The following OGDHL variants were observed in gnomAD, a reference collection of about 807,000 sequenced individuals.
OGDHL encodes the protein oxoglutarate dehydrogenase L.
In OGDHL, 79 loss-of-function variants were observed where a neutral mutation model predicts 109.6. That is an observed-to-expected ratio of 0.72 (90% CI 0.60 to 0.87). The LOEUF is 0.87. Among genes scored for constraint, OGDHL ranks in the 40% least tolerant of loss-of-function variants. The pLI is 0.00. For synonymous variants in OGDHL, 528 were observed against 537.2 expected, an observed-to-expected ratio of 0.98 and a Z score of 0.24; for missense variants, 1,275 against 1,362.2, an observed-to-expected ratio of 0.94 and a Z score of 1.01.
chr10:49,749,686 C>A, intron 8 of OGDHL, 40 bp downstream of exon 8: 1 of 1,530,336 alleles, frequency 6.5e-7, no homozygotes, highest in South Asian at 1.2e-5. Flanking sequence ...CCCAAACACC[C>A]AGCTCTCCAA....
At chr10:49,746,947 T>G in intron 9 of OGDHL, 69 bp from the exon 10 acceptor site, 4 of 1,610,020 alleles carry the variant, frequency 2.5e-6, no homozygotes, top group Middle Eastern at 1.7e-4. Context: ...GCACCTGTAC[T>G]GTGGAGACCC....
In OGDHL at chr10:49,744,742, G is replaced by C; in HGVS notation, c.1640C>G (p.Ala547Gly). Residue 547 changes from alanine to glycine, a missense_variant, in exon 13 of 23, where the codon GCC becomes GGC. Coordinates refer to ENST00000374103, the MANE Select transcript of OGDHL (RefSeq NM_018245.3). Reference protein sequence around the residue: ...VTLQEFEEEIAKYDRICEEAY... With the variant: ...VTLQEFEEEIGKYDRICEEAY... ...CTCCTCACAGATCCGGTCGTATTTG[G>C]CAATTTCTTCCTGGAATCAGGATGA... The C allele has an allele frequency of 1.9e-6, 3 of 1,614,070 alleles. No homozygotes were observed. The highest frequency in any genetic ancestry group is 2.5e-6 in the Non-Finnish European group (3 of 1,179,938).
chr10:49,751,048 C>T (rs993477716), intron 6 of OGDHL, 63 bp from the exon 7 acceptor site: 10 of 1,457,960 alleles, frequency 6.9e-6, no homozygotes, highest in Middle Eastern at 1.8e-4. Context: ...GACTGGGGCT[C>T]ACAGGGGCTG....
chr10:49,759,772 G>A (rs981227263), intron 1 of OGDHL, among the ~76,000 whole-genome samples: 3 of 152,140 alleles, frequency 2.0e-5, no homozygotes, highest in East Asian at 3.9e-4. Flanking sequence ...TGCCCAGACC[G>A]CCCAGCTTGT....
Position 49,744,135 on chromosome 10 carries a change from G to A in OGDHL, c.1733-13C>T. ...ACGTTGAAGAAGCCTGAGAGGGAGA[G>A]AGGCTCTGTCCACACTGTGTCAGTG... is the stretch of plus-strand genomic sequence containing the variant. On this transcript the variant is annotated splice_polypyrimidine_tract_variant and intron_variant, in intron 13 of 22. Coordinates refer to ENST00000374103, the MANE Select transcript of OGDHL (RefSeq NM_018245.3). 6.2e-7 allele frequency: 1 copy of A among 1,613,016 alleles called. No individual in the cohort carries two copies. Among genetic ancestry groups the A allele is most frequent in the East Asian group, 2.2e-5 (1 of 44,878 alleles).
chr10:49,744,885 C>G, intron 12 of OGDHL, 133 bp from the exon 13 acceptor site: 1 of 719,056 alleles, frequency 1.4e-6, no homozygotes, highest in Non-Finnish European at 2.3e-6. Flanking sequence ...CCTATAGGGA[C>G]CTCATGGCTA....
Position 49,746,738 on chromosome 10 carries a change from C to G in OGDHL, c.1296+12G>C, listed in dbSNP as rs749608436. 6.2e-7 allele frequency: 1 copy of G among 1,613,870 alleles called. No homozygotes were observed. Among genetic ancestry groups the G allele is most frequent in the South Asian group, 1.1e-5 (1 of 91,040 alleles). Reference sequence around the variant, plus strand: ...GACGCTGTGAGGCCCAGCGTGGAGCCTACATGCTCACCTGGTTGTTGACGA... The same window carrying G: ...GACGCTGTGAGGCCCAGCGTGGAGCGTACATGCTCACCTGGTTGTTGACGA... On this transcript the variant is annotated intron_variant, in intron 10 of 22. Transcript: ENST00000374103.
In OGDHL at chr10:49,745,478, C is replaced by G; in HGVS notation, c.1495G>C (p.Gly499Arg). 1 of 1,614,010 alleles carries G rather than the reference C, an allele frequency of 6.2e-7. No homozygotes were observed. The highest frequency in any genetic ancestry group is 1.3e-5 in the African/African-American group (1 of 75,050). ...ATGGGCTCGTCCATCTCATTGTGGC[C>G]ACGCCGGCGGTAACAGACCTGCAGG... Reference protein sequence around the residue: ...VVDLVCYRRRGHNEMDEPMFT... With the variant: ...VVDLVCYRRRRHNEMDEPMFT... Residue 499 changes from glycine (G) to arginine (R), a missense_variant, in exon 12 of 23, where the codon GGC (glycine) becomes CGC (arginine). Coordinates refer to ENST00000374103, the MANE Select transcript of OGDHL (RefSeq NM_018245.3).
chr10:49,754,911 C>T (rs1843534104), intron 3 of OGDHL, among the ~76,000 whole-genome samples: 5 of 152,206 alleles, frequency 3.3e-5, no homozygotes. Flanking sequence ...CCTATTGCAA[C>T]CTGTGGATTT....
intron 14 of OGDHL, chr10:49,743,522 C>T (rs1841953083): frequency 5.9e-6 from 1 of 168,370 alleles, no homozygotes; most frequent in African/African-American, 2.4e-5. Flanking sequence ...TGGCCCCAGC[C>T]AAGGGATGCA....
intron 8 of OGDHL, among the ~76,000 whole-genome samples, chr10:49,749,350 T>C (rs911709383): frequency 2.6e-5 from 4 of 152,186 alleles, no homozygotes; most frequent in African/African-American, 7.2e-5. Context: ...CCCAAGGCTC[T>C]GCTGGGCAAA....
intron 20 of OGDHL, 26 bp downstream of exon 20, chr10:49,737,760 C>A: frequency 1.2e-6 from 2 of 1,613,520 alleles, no homozygotes; most frequent in East Asian, 4.5e-5. Flanking sequence ...TGTGGGCTAC[C>A]CCACACACCC....
intron 14 of OGDHL, 93 bp from the exon 15 acceptor site, chr10:49,743,071 G>T: frequency 6.9e-7 from 1 of 1,458,640 alleles, no homozygotes. Flanking sequence ...ACAAAGCAGG[G>T]CAGCCATCTG....
rs971585041 is a variant in OGDHL at position 49,744,241 on chromosome 10, C to T, written c.1733-119G>A. 8.9e-6 allele frequency: 12 copies of T among 1,344,266 alleles called. No individual in the cohort carries two copies. In the African/African-American group the frequency reaches 1.7e-4, roughly 19 times the overall value. 83.3% of individuals were successfully genotyped at this position (1,344,266 alleles called of 1,614,324 possible). On this transcript the variant is annotated intron_variant, in intron 13 of 22. Coordinates refer to ENST00000374103, the MANE Select transcript of OGDHL (RefSeq NM_018245.3). ...TTCCCAAACTCCACCGGCACTCGGA[C>T]TCACCCTGAGCCCACCCTTGGGACC...
chr10:49,759,200 G>A (rs561597634), intron 1 of OGDHL, among the ~76,000 whole-genome samples: 23 of 152,240 alleles, frequency 1.5e-4, no homozygotes, highest in Middle Eastern at 3.4e-3. Context: ...TGCAATCCTG[G>A]GCCAGAGTGC....
chr10:49,755,801 C>A (rs1233671122), intron 3 of OGDHL, among the ~76,000 whole-genome samples: 1 of 152,218 alleles, frequency 6.6e-6, no homozygotes, highest in Non-Finnish European at 1.5e-5. Flanking sequence ...TCGGGCAGCA[C>A]CCTGAACGTT....
At chr10:49,753,194 T>C (rs1354153822) in intron 3 of OGDHL, among the ~76,000 whole-genome samples, 1 of 152,170 alleles carries the variant, frequency 6.6e-6, no homozygotes, top group Admixed American at 6.5e-5. Context: ...TAGCAAAGTA[T>C]GTATGGTGAA....
At position 49,751,914 on chromosome 10, in the gene OGDHL, A is replaced by G. The variant is rs781501954; in HGVS notation, c.662T>C (p.Ile221Thr). 13 of 1,614,032 alleles carry G rather than the reference A, an allele frequency of 8.1e-6. No individual in the cohort carries two copies. In the African/African-American group the frequency reaches 1.3e-4, roughly 17 times the overall value. ...ACCAGGGGTCTCAAACTTCTGCCGG[A>G]TCCACTGGCACTGCTCCACATCGTT... ...FINDVEQCQW[I>T]RQKFETPGVM... Residue 221 changes from isoleucine to threonine, a missense_variant, in exon 6 of 23, where the codon ATC becomes ACC. By Grantham distance (89) the Ile-to-Thr change is moderately conservative (BLOSUM62 -1). Transcript: ENST00000374103.
At position 49,755,077 on chromosome 10, in the gene OGDHL, C is replaced by CT. The variant is rs534726374; in HGVS notation, c.375+1698_375+1699insA. 2.5e-3 allele frequency among the ~76,000 whole-genome samples: 380 copies of CT among 152,244 alleles called. 1 individual carries two copies. The highest frequency in any genetic ancestry group is 7.9e-3 in the South Asian group (38 of 4,824). ...TGGCCAACATGGTGAAACCCCGTCT[C>CT]CACTGAAAACACAAAAATCAGCCAG... On this transcript the variant is annotated intron_variant, in intron 3 of 22. Coordinates refer to ENST00000374103, the MANE Select transcript of OGDHL (RefSeq NM_018245.3).
Sources: allele counts gnomAD v4.1 joint callset (sites outside exome capture counted in the v4.1 genomes callset), GRCh38; gene constraint gnomAD v4.1.1; transcripts MANE v1.5; gene names NCBI Gene and HGNC (gene_info 2026-07-23, HGNC 2026-07-21).